LAMP3: variants seen among roughly 807,000 people sequenced by gnomAD.
LAMP3 encodes the protein lysosome-associated membrane glycoprotein 3.
In LAMP3, 26 loss-of-function variants were observed where a neutral mutation model predicts 34.8. The ratio of observed to expected loss-of-function variants is 0.75; its 90% CI spans 0.55 to 1.04. LAMP3 has a LOEUF of 1.04. Among genes scored for constraint, LAMP3 ranks in the 50% least tolerant of loss-of-function variants. The probability of loss-of-function intolerance (pLI) is 0.00; values close to 1 mark genes in which losing one functional copy is unlikely to be tolerated. For synonymous variants in LAMP3, 180 were observed against 201.9 expected (o/e 0.89, Z 0.92); for missense variants, 495 against 524.0 (o/e 0.94, Z 0.54).
chr3:183,149,574 A>AAAATATATATATATATATATATATAT, intron 3 of LAMP3, among the ~76,000 whole-genome samples: 1 of 32,632 alleles, frequency 3.1e-5, no homozygotes, highest in South Asian at 1.7e-3. Flanking sequence ...AAAAAAAAAA[A>AAAATATATATATATATATATATATAT]ATATATATAT....
chr3:183,134,004 A>G (rs576372747), intron 5 of LAMP3, among the ~76,000 whole-genome samples: 157 of 152,274 alleles, frequency 1.0e-3, no homozygotes, highest in Non-Finnish European at 1.8e-3. Context: ...CCCTTTGCAC[A>G]TGTGTCTTTT....
chr3:183,154,498 A>G (rs1166212980), intron 1 of LAMP3, 107 bp from the exon 2 acceptor site: 1 of 830,730 alleles, frequency 1.2e-6, no homozygotes, highest in African/African-American at 1.7e-5. Flanking sequence ...TAACATGCAT[A>G]TTTTTATACT....
At chr3:183,149,238 T>TA (rs776068640) in intron 3 of LAMP3, among the ~76,000 whole-genome samples, 27 of 150,756 alleles carry the variant, frequency 1.8e-4, no homozygotes, top group Non-Finnish European at 3.1e-4. Flanking sequence ...GGTTAATGGG[T>TA]AAAAAAAATA....
At chr3:183,152,169 G>T (rs1351127879) in intron 3 of LAMP3, among the ~76,000 whole-genome samples, 1 of 152,190 alleles carries the variant, frequency 6.6e-6, no homozygotes, top group African/African-American at 2.4e-5. Flanking sequence ...AGGCCCTGAA[G>T]CCCTTTTTGG....
At chr3:183,126,863 T>C (rs1421312549) in intron 5 of LAMP3, among the ~76,000 whole-genome samples, 1 of 152,248 alleles carries the variant, frequency 6.6e-6, no homozygotes, top group Non-Finnish European at 1.5e-5. Context: ...ATTTCAATTT[T>C]ACTTGTGTTT....
intron 3 of LAMP3, among the ~76,000 whole-genome samples, chr3:183,147,899 T>C (rs775228695): frequency 6.8e-4 from 104 of 152,270 alleles, no homozygotes; most frequent in Middle Eastern, 3.4e-3. Flanking sequence ...AAATTTTTTG[T>C]AGAGATAGGG....
At chr3:183,127,935 T>C (rs1211657424) in intron 5 of LAMP3, among the ~76,000 whole-genome samples, 1 of 151,996 alleles carries the variant, frequency 6.6e-6, no homozygotes, top group African/African-American at 2.4e-5. Context: ...ATCGAGACCA[T>C]TCTGGCTAAC....
intron 1 of LAMP3, chr3:183,160,944 T>C (rs1720958964): frequency 1.3e-5 from 2 of 152,172 alleles, no homozygotes; most frequent in South Asian, 2.1e-4. Context: ...TTAATTACCA[T>C]GTGCTGATGA....
In LAMP3 at chr3:183,153,691, G is replaced by A. The variant is rs750328061; in HGVS notation, c.750C>T (p.Asp250=). 1 of 1,516,584 alleles carries A rather than the reference G, an allele frequency of 6.6e-7. No homozygotes were observed. Among genetic ancestry groups the A allele is most frequent in the Non-Finnish European group, 8.8e-7 (1 of 1,133,440 alleles). 93.9% of individuals were successfully genotyped at this position (1,516,584 alleles called of 1,614,324 possible). A position where few individuals can be genotyped will look rare whatever the true frequency, so the allele number is the denominator to read the frequency against. The change falls in exon 2 of 6, where the codon GAC becomes GAT. Residue 250 remains aspartate, a synonymous_variant. Coordinates refer to ENST00000265598, the MANE Select transcript of LAMP3 (RefSeq NM_014398.4). ...AEMGIQLIVQ[D]KESVFSPRRY... ...TGTGGCCCCAACTTACCGACTCCTT[G>A]TCTTGAACAATCAGCTGTATCCCCA...
rs563164973 is a variant in LAMP3, at chr3:183,143,539, T to A, written c.889-2944A>T. Reference sequence around the variant, plus strand: ...AGATTACAAGCTTGACTTGACATGATCATACTTCAATTGTCCTACACATCT... The same window carrying A: ...AGATTACAAGCTTGACTTGACATGAACATACTTCAATTGTCCTACACATCT... On this transcript the variant is annotated intron_variant, in intron 3 of 5. Coordinates refer to ENST00000265598, the MANE Select transcript of LAMP3 (RefSeq NM_014398.4). Among the ~76,000 whole-genome samples, 4 of 152,328 alleles carry A rather than the reference T, an allele frequency of 2.6e-5. No individual in the cohort carries two copies. The South Asian group carries it at 8.3e-4, about 32-fold the overall frequency.
At chr3:183,128,811 G>A (rs1006816244) in intron 5 of LAMP3, among the ~76,000 whole-genome samples, 1 of 152,082 alleles carries the variant, frequency 6.6e-6, no homozygotes, top group African/African-American at 2.4e-5. Flanking sequence ...CAAAGAGTTG[G>A]GATGATAGGT....
chr3:183,135,048 G>A (rs1210743325), intron 5 of LAMP3, among the ~76,000 whole-genome samples: 1 of 152,196 alleles, frequency 6.6e-6, no homozygotes, highest in Non-Finnish European at 1.5e-5. Flanking sequence ...GGGCTTTTCT[G>A]GAAAGTCACC....
chr3:183,125,916 C>A (rs1719768017), intron 5 of LAMP3, among the ~76,000 whole-genome samples: 1 of 152,120 alleles, frequency 6.6e-6, no homozygotes, highest in South Asian at 2.1e-4. Context: ...CTGAAGCAAT[C>A]CTTGACTTCC....
chr3:183,137,711 T>C (rs1033398735), intron 4 of LAMP3, among the ~76,000 whole-genome samples: 2 of 152,294 alleles, frequency 1.3e-5, no homozygotes, highest in Admixed American at 1.3e-4. Flanking sequence ...AAAATCATCA[T>C]TACTGTGACT....
chr3:183,162,596 G>A lies in LAMP3; in HGVS notation c.49+11C>T, dbSNP rs778666463. The A allele has an allele frequency of 1.6e-4, 245 of 1,547,272 alleles. No homozygotes were observed. Among genetic ancestry groups the A allele is most frequent in the Non-Finnish European group, 2.0e-4 (232 of 1,146,262 alleles). On this transcript the variant is annotated intron_variant, in intron 1 of 5. Transcript: ENST00000265598. ...TCAGGGCCACCGCGGGAAGCGCTGAGGGCCACTCACCGGCCAGGGACGCGA... is the reference window on the plus strand; with the variant it reads ...TCAGGGCCACCGCGGGAAGCGCTGAAGGCCACTCACCGGCCAGGGACGCGA...
intron 3 of LAMP3, among the ~76,000 whole-genome samples, chr3:183,142,242 G>A (rs1720305658): frequency 6.6e-6 from 1 of 152,148 alleles, no homozygotes; most frequent in Non-Finnish European, 1.5e-5. Flanking sequence ...CATCCCTAAG[G>A]GCAAAGAGCG....
At chr3:183,162,512 A>C (rs567064920) in intron 1 of LAMP3, 95 bp downstream of exon 1, 1 of 1,265,962 alleles carries the variant, frequency 7.9e-7, no homozygotes, top group South Asian at 1.3e-5. Context: ...CCCTACCCGC[A>C]GCCCGTCCTG....
intron 5 of LAMP3, among the ~76,000 whole-genome samples, chr3:183,133,223 T>C (rs755283601): frequency 1.5e-4 from 23 of 152,216 alleles, no homozygotes; most frequent in Non-Finnish European, 2.2e-4. Flanking sequence ...GGGTCTGAGC[T>C]GAGGCCAGGG....
intron 1 of LAMP3, 37 bp from the exon 2 acceptor site, chr3:183,154,428 C>G: frequency 6.8e-7 from 1 of 1,464,270 alleles, no homozygotes; most frequent in Non-Finnish European, 9.3e-7. Context: ...AAAACACTAA[C>G]CGATTGCTTA....
Sources: gnomAD v4.1 joint callset for allele counts (sites outside exome capture counted in the v4.1 genomes callset) on GRCh38, gnomAD v4.1.1 for gene constraint, MANE v1.5 for transcripts, NCBI Gene and HGNC (gene_info 2026-07-23, HGNC 2026-07-21) for gene names.